SNX29: variants seen among roughly 807,000 people sequenced by gnomAD.
SNX29 encodes the protein sorting nexin 29, also known as sorting nexin-29.
In SNX29, 78 loss-of-function variants were observed where a neutral mutation model predicts 102.1. The observed-to-expected ratio is 0.76, with a 90% CI of 0.64 to 0.92. The LOEUF is 0.92. Ranked by LOEUF, SNX29 falls within the 40% of genes least tolerant of loss-of-function variation. The pLI, the probability that SNX29 is intolerant of heterozygous loss-of-function variation, is 0.00. For missense variants in SNX29, 1,280 were observed against 1,061.7 expected (o/e 1.21, Z -2.86); for synonymous variants, 580 against 414.5 (o/e 1.40, Z -4.85).
chr16:12,545,153 G>C (rs1032500792), intron 20 of SNX29, among the ~76,000 whole-genome samples: 1 of 152,136 alleles, frequency 6.6e-6, no homozygotes, highest in Non-Finnish European at 1.5e-5. Flanking sequence ...ATGAAGTACA[G>C]ACACTCTGCC....
At chr16:12,431,583 TA>T (rs143895567) in intron 18 of SNX29, among the ~76,000 whole-genome samples, 1,965 of 148,618 alleles carry the variant, frequency 0.013, 52 homozygotes, top group African/African-American at 0.046. Flanking sequence ...CTCATTCCCT[TA>T]AAAAAAAAAG....
chr16:12,359,292 T>C (rs192354294), intron 16 of SNX29, among the ~76,000 whole-genome samples: 39 of 152,316 alleles, frequency 2.6e-4, no homozygotes, highest in African/African-American at 7.9e-4. Context: ...ATGGTTGTGG[T>C]ATGACAGCAG....
In SNX29 at chr16:12,572,502, C is replaced by T; in HGVS notation, c.*3873C>T. 9.4e-7 allele frequency: 1 copy of T among 1,063,964 alleles called. No homozygotes were observed. The allele number at this position is 1,063,964 out of a possible 1,614,324, so 65.9% of individuals were successfully genotyped here. A position where few individuals can be genotyped will look rare whatever the true frequency, so the allele number is the denominator to read the frequency against. On this transcript the variant is annotated 3_prime_UTR_variant, in exon 21 of 21. Transcript: ENST00000566228. ...AGTTCTTGGGGTTCCAGGCCTCGGC[C>T]TTCCTGCTCCACGTGCTCAAGCCCC...
At chr16:12,548,235 G>A (rs751254474) in intron 20 of SNX29, among the ~76,000 whole-genome samples, 7 of 152,180 alleles carry the variant, frequency 4.6e-5, no homozygotes, top group Non-Finnish European at 8.8e-5. Context: ...ACAGTGTTAG[G>A]TTACATTTCC....
chr16:12,187,317 T>C (rs917580908), intron 13 of SNX29, among the ~76,000 whole-genome samples: 1 of 152,196 alleles, frequency 6.6e-6, no homozygotes, highest in Non-Finnish European at 1.5e-5. Context: ...CCCAGCACTT[T>C]GGGAGGCCAA....
chr16:12,245,875 C>T (rs1262820764), intron 14 of SNX29, among the ~76,000 whole-genome samples: 2 of 152,168 alleles, frequency 1.3e-5, no homozygotes, highest in Non-Finnish European at 2.9e-5. Context: ...GGCACTGGGG[C>T]TGCAGGTTAC....
At chr16:12,440,965 C>G (rs1471555957) in intron 18 of SNX29, among the ~76,000 whole-genome samples, 1 of 152,122 alleles carries the variant, frequency 6.6e-6, no homozygotes, top group Non-Finnish European at 1.5e-5. Context: ...TTCTCTAGAT[C>G]TGCCTTTTGT....
At chr16:12,272,201 C>G (rs887393527) in intron 14 of SNX29, among the ~76,000 whole-genome samples, 1 of 152,156 alleles carries the variant, frequency 6.6e-6, no homozygotes. Context: ...GTTGCTGATT[C>G]TTCTTAAATA....
chr16:12,287,475 C>A, intron 15 of SNX29, among the ~76,000 whole-genome samples: 1 of 152,298 alleles, frequency 6.6e-6, no homozygotes, highest in African/African-American at 2.4e-5. Flanking sequence ...CAACTCTTGT[C>A]CAGTCTTGTT....
chr16:12,484,303 T>C (rs562145137), intron 19 of SNX29, among the ~76,000 whole-genome samples: 47 of 152,322 alleles, frequency 3.1e-4, no homozygotes, highest in Non-Finnish European at 6.0e-4. Context: ...CATGAACCAC[T>C]GCCCCTGGCT....
At chr16:12,541,278 G>C (rs561748790) in intron 20 of SNX29, among the ~76,000 whole-genome samples, 1 of 152,268 alleles carries the variant, frequency 6.6e-6, no homozygotes, top group Non-Finnish European at 1.5e-5. Context: ...ACAGGAGCAG[G>C]GGAATACCAC....
At chr16:12,037,263 C>A (rs72784621) in intron 4 of SNX29, among the ~76,000 whole-genome samples, 1 of 152,074 alleles carries the variant, frequency 6.6e-6, no homozygotes, top group Non-Finnish European at 1.5e-5. Context: ...CCAGGAACAC[C>A]ATGCTTATAA....
intron 20 of SNX29, among the ~76,000 whole-genome samples, chr16:12,565,047 C>T (rs914392324): frequency 2.0e-5 from 3 of 152,114 alleles, no homozygotes; most frequent in Non-Finnish European, 2.9e-5. Context: ...GCACTGGCTT[C>T]ATTCCCCTGT....
intron 20 of SNX29, among the ~76,000 whole-genome samples, chr16:12,565,674 G>T (rs1007701759): frequency 6.6e-6 from 1 of 152,192 alleles, no homozygotes; most frequent in African/African-American, 2.4e-5. Context: ...CACGTCCCGA[G>T]CTAACCCTGC....
intron 14 of SNX29, among the ~76,000 whole-genome samples, chr16:12,211,205 C>T (rs746309972): frequency 3.9e-5 from 6 of 152,188 alleles, no homozygotes; most frequent in Non-Finnish European, 8.8e-5. Context: ...TCTGGGTATA[C>T]TTCAGGCCCA....
intron 6 of SNX29, 108 bp from the exon 7 acceptor site, chr16:12,048,264 A>G: frequency 6.6e-7 from 1 of 1,523,324 alleles, no homozygotes; most frequent in Non-Finnish European, 9.1e-7. Flanking sequence ...CCTATTTAAG[A>G]TCAACGTGCC....
chr16:12,572,840 A>G lies in SNX29; in HGVS notation c.*4211A>G. The G allele has an allele frequency of 9.4e-7, 1 of 1,063,816 alleles. No homozygotes were observed. The allele number at this position is 1,063,816 out of a possible 1,614,324, so 65.9% of individuals were successfully genotyped here. ...GAGGCATCCCAGAAGGGGCAGCCTC[A>G]TGCCCAGGTTTCAGCCCTAAAGGTA... On this transcript the variant is annotated 3_prime_UTR_variant, in exon 21 of 21. Transcript: ENST00000566228.
intron 20 of SNX29, among the ~76,000 whole-genome samples, chr16:12,564,612 A>C (rs569686609): frequency 1.3e-5 from 2 of 151,882 alleles, no homozygotes; most frequent in East Asian, 3.9e-4. Flanking sequence ...ACTGTAACAG[A>C]CCTAGTCCCA....
intron 15 of SNX29, among the ~76,000 whole-genome samples, chr16:12,330,669 C>T (rs538696055): frequency 6.6e-6 from 1 of 152,326 alleles, no homozygotes; most frequent in Non-Finnish European, 1.5e-5. Flanking sequence ...CCCCAGAGCC[C>T]TGGTTCTTAA....
Sources: gnomAD v4.1 joint callset for allele counts (sites outside exome capture counted in the v4.1 genomes callset) on GRCh38, gnomAD v4.1.1 for gene constraint, MANE v1.5 for transcripts, NCBI Gene and HGNC (gene_info 2026-07-23, HGNC 2026-07-21) for gene names.